ZNF250: variants seen among roughly 807,000 people sequenced by gnomAD.
ZNF250 encodes zinc finger protein (clone 647).
ZNF250 carries 13 observed loss-of-function variants against 37.1 expected under a neutral mutation model. The ratio of observed to expected loss-of-function variants is 0.35; its 90% CI spans 0.23 to 0.56. ZNF250 has a LOEUF of 0.56. Ranked by LOEUF, ZNF250 falls within the 20% of genes least tolerant of loss-of-function variation. ZNF250 has a pLI of 0.87. For missense variants in ZNF250, 474 were observed against 697.9 expected (o/e 0.68, Z 3.61); for synonymous variants, 251 against 265.6 (o/e 0.94, Z 0.54).
intron 1 of ZNF250, among the ~76,000 whole-genome samples, chr8:144,893,503 G>A (rs987479465): frequency 6.6e-6 from 1 of 151,894 alleles, no homozygotes; most frequent in Admixed American, 6.6e-5. Flanking sequence ...GCTAATTTTT[G>A]TACTTTTTGT....
intron 5 of ZNF250, among the ~76,000 whole-genome samples, chr8:144,883,887 A>AT (rs551476941): frequency 2.7e-5 from 4 of 149,170 alleles, no homozygotes; most frequent in South Asian, 2.1e-4. Context: ...GACAACAGTG[A>AT]TTTTTTTTTT....
chr8:144,902,173 T>C (rs1833141637), upstream of ZNF250: 1 of 152,316 alleles, frequency 6.6e-6, no homozygotes, highest in South Asian at 2.1e-4. Flanking sequence ...TCGGCCCTGG[T>C]GTTTGCTTTT....
Position 144,889,697 on chromosome 8 carries a change from G to A in ZNF250, c.170-3C>T, listed in dbSNP as rs200653542. 1.1e-4 allele frequency: 183 copies of A among 1,613,068 alleles called. No individual in the cohort carries two copies. The highest frequency in any genetic ancestry group is 2.2e-4 in the Admixed American group (13 of 59,966). ...GTCAGGCTTGGATCCTGGAAGTCCT[G>A]CTCGTGGGGAGGGAAGTCTTTGTTT... On this transcript the variant is annotated splice_region_variant and splice_polypyrimidine_tract_variant and intron_variant, in intron 3 of 5. Coordinates refer to ENST00000417550, the MANE Select transcript of ZNF250 (RefSeq NM_001109689.4).
At position 144,896,384 on chromosome 8, in the gene ZNF250, T is replaced by A. The variant is rs199620939; in HGVS notation, c.-55+5015A>T. Reference sequence around the variant, plus strand: ...TAAATAAATAAAAATTAAAAAAAAATATGAACAAAATACATTTTAAAAGTG... The same window carrying A: ...TAAATAAATAAAAATTAAAAAAAAAAATGAACAAAATACATTTTAAAAGTG... On this transcript the variant is annotated intron_variant, in intron 1 of 5. Coordinates refer to ENST00000417550, the MANE Select transcript of ZNF250 (RefSeq NM_001109689.4). Among the ~76,000 whole-genome samples, 2,342 of 150,816 alleles carry A rather than the reference T, an allele frequency of 0.016. 181 individuals carry two copies. In the East Asian group the frequency reaches 0.22, roughly 14 times the overall value.
intron 4 of ZNF250, among the ~76,000 whole-genome samples, chr8:144,887,215 C>G (rs964846492): frequency 3.7e-5 from 5 of 135,206 alleles, no homozygotes; most frequent in African/African-American, 1.2e-4. Flanking sequence ...CACACTACTG[C>G]ACTCCAGCCT....
rs1484752596 is a variant in ZNF250, at chr8:144,889,567, C to G, written c.283+14G>C. The G allele has an allele frequency of 6.2e-7, 1 of 1,605,712 alleles. No individual in the cohort carries two copies. On this transcript the variant is annotated intron_variant, in intron 4 of 5. Transcript: ENST00000417550. ...TAGCCCTCAGTGAGGGAGGGGCCAG[C>G]TCTCCTCACTCACCTGAGTAGTCAC...
rs1586933331 is a variant in ZNF250 at position 144,900,857 on chromosome 8, C to A, written c.-55+542G>T. ...CAGGATGTGCATCAAACAGAAAAAA[C>A]CTCCATTTTTATATTTTGGGGAAGC... On this transcript the variant is annotated intron_variant, in intron 1 of 5. Transcript: ENST00000417550. Among the ~76,000 whole-genome samples the A allele has an allele frequency of 2.0e-5, 3 of 152,340 alleles. No homozygotes were observed. The East Asian group carries it at 5.8e-4, about 29-fold the overall frequency.
At position 144,890,197 on chromosome 8, in the gene ZNF250, G is replaced by A. The variant is rs538117295; in HGVS notation, c.42+111C>T. On this transcript the variant is annotated intron_variant, in intron 2 of 5. Coordinates refer to ENST00000417550, the MANE Select transcript of ZNF250 (RefSeq NM_001109689.4). The surrounding 1 kb of genome is among the most constrained non-coding windows in gnomAD (Gnocchi z 5.1). The stretch of plus-strand genomic sequence containing the variant: ...AGGTGGGTGATGGGAAGGGGCCGCG[G>A]AGTTCAGGGCATGTGGTGACGCTCT... The A allele has an allele frequency of 6.7e-7, 1 of 1,497,174 alleles. No homozygotes were observed. Among genetic ancestry groups the A allele is most frequent in the African/African-American group, 1.4e-5 (1 of 72,222 alleles). The allele number at this position is 1,497,174 out of a possible 1,614,324, so 92.7% of individuals were successfully genotyped here.
Position 144,881,549 on chromosome 8 carries a change from A to T in ZNF250, c.1634T>A (p.Leu545Gln). 6.2e-7 allele frequency: 1 copy of T among 1,604,202 alleles called. No individual in the cohort carries two copies. Among genetic ancestry groups the T allele is most frequent in the Admixed American group, 1.7e-5 (1 of 59,618 alleles). Residue 545 changes from leucine to glutamine, a missense_variant, in exon 6 of 6, where the codon CTA becomes CAA. Around this residue, in one of 2 missense-constraint regions of ZNF250, gnomAD observed 282 missense variants for 470.4 expected, o/e 0.60. Coordinates refer to ENST00000417550, the MANE Select transcript of ZNF250 (RefSeq NM_001109689.4). ...CGRAFNQHGHLIQHQKVHRKL is the reference protein window; with the variant it reads ...CGRAFNQHGHQIQHQKVHRKL ...TCTGTGCACTTTCTGGTGCTGGATT[A>T]GGTGGCCATGCTGGTTGAAGGCACG...
intron 1 of ZNF250, among the ~76,000 whole-genome samples, chr8:144,892,800 C>T (rs1390458887): frequency 3.3e-5 from 5 of 151,882 alleles, no homozygotes; most frequent in Admixed American, 2.0e-4. Flanking sequence ...TCAGGTGATC[C>T]GCCCGCCTTG....
chr8:144,881,616 T>A lies in ZNF250; in HGVS notation c.1567A>T (p.Ile523Phe). 1.2e-6 allele frequency: 2 copies of A among 1,613,620 alleles called. No homozygotes were observed. The highest frequency in any genetic ancestry group is 1.7e-6 in the Non-Finnish European group (2 of 1,179,820). ...TCATAGGGCTTCTCGCCTGTGTGGA[T>A]CCGCTGGTGCTGGATGAGCACTGAG... ...QYSVLIQHQR[I>F]HTGEKPYECG... The change falls in exon 6 of 6, where the codon ATC (isoleucine) becomes TTC (phenylalanine). Residue 523 changes from isoleucine (I) to phenylalanine (F), a missense_variant. Coordinates refer to ENST00000417550, the MANE Select transcript of ZNF250 (RefSeq NM_001109689.4).
At chr8:144,888,485 T>G (rs1479574284) in intron 4 of ZNF250, among the ~76,000 whole-genome samples, 1 of 150,736 alleles carries the variant, frequency 6.6e-6, no homozygotes, top group African/African-American at 2.4e-5. Context: ...TAATCCCAGC[T>G]ATTCGAGAAG....
intron 1 of ZNF250, among the ~76,000 whole-genome samples, chr8:144,899,996 C>T (rs1387449216): frequency 1.3e-5 from 2 of 152,110 alleles, no homozygotes; most frequent in East Asian, 3.8e-4. Flanking sequence ...TTTGAAAAAG[C>T]CCAAACCAGA....
chr8:144,888,149 A>G (rs1262421699), intron 4 of ZNF250, among the ~76,000 whole-genome samples: 1 of 152,210 alleles, frequency 6.6e-6, no homozygotes, highest in Non-Finnish European at 1.5e-5. Context: ...TCAGGGTTGG[A>G]TCTATGCACC....
In ZNF250 at chr8:144,891,132, A is replaced by G. The variant is rs1002225035; in HGVS notation, c.-54-729T>C. On this transcript the variant is annotated intron_variant, in intron 1 of 5. Coordinates refer to ENST00000417550, the MANE Select transcript of ZNF250 (RefSeq NM_001109689.4). The surrounding 1 kb of genome is among the most constrained non-coding windows in gnomAD (Gnocchi z 4.0). Reference sequence around the variant, plus strand: ...TGACACACACCCAAACAGCTGGGAAAAAGGGGGAGCGGGGCAAGAGCTTTC... The same window carrying G: ...TGACACACACCCAAACAGCTGGGAAGAAGGGGGAGCGGGGCAAGAGCTTTC... Among the ~76,000 whole-genome samples, 1 of 152,138 alleles carries G rather than the reference A, an allele frequency of 6.6e-6. No individual in the cohort carries two copies. The highest frequency in any genetic ancestry group is 2.4e-5 in the African/African-American group (1 of 41,438).
chr8:144,900,233 A>G (rs1833007730), intron 1 of ZNF250, among the ~76,000 whole-genome samples: 1 of 152,188 alleles, frequency 6.6e-6, no homozygotes, highest in Non-Finnish European at 1.5e-5. Context: ...GTCAATGGCA[A>G]TCTCCCACCC....
intron 5 of ZNF250, among the ~76,000 whole-genome samples, chr8:144,883,376 G>GT (rs1831638772): frequency 6.7e-6 from 1 of 149,622 alleles, no homozygotes; most frequent in Admixed American, 6.7e-5. Context: ...GCCTTGCTCT[G>GT]TTATCCAGGC....
At chr8:144,887,370 C>T (rs1831970755) in intron 4 of ZNF250, among the ~76,000 whole-genome samples, 1 of 151,684 alleles carries the variant, frequency 6.6e-6, no homozygotes, top group African/African-American at 2.4e-5. Context: ...ACACACTTAT[C>T]CATCCTGAGG....
chr8:144,884,162 C>G (rs1447670593), intron 5 of ZNF250, among the ~76,000 whole-genome samples: 2 of 152,224 alleles, frequency 1.3e-5, no homozygotes, highest in African/African-American at 4.8e-5. Flanking sequence ...TGAGATCCAT[C>G]ATGTTGTTGT....
Sources: gnomAD v4.1 joint callset for allele counts (sites outside exome capture counted in the v4.1 genomes callset) on GRCh38, gnomAD v4.1.1 for gene constraint, gnomAD v4.1.1 regional missense constraint, Gnocchi (gnomAD v3.1) non-coding constraint, MANE v1.5 for transcripts, NCBI Gene and HGNC (gene_info 2026-07-23, HGNC 2026-07-21) for gene names.